Variants in CACNA1E observed in about 807,000 individuals in gnomAD.
The protein encoded by CACNA1E is calcium voltage-gated channel subunit alpha1 E.
In CACNA1E, 40 loss-of-function variants were observed where a neutral mutation model predicts 259.2. The observed-to-expected ratio is 0.15, with a 90% CI of 0.12 to 0.20. The LOEUF (loss-of-function observed/expected upper bound fraction) is 0.20, where lower values mean the gene tolerates loss of function less well. Ranked by LOEUF, CACNA1E falls within the 10% of genes least tolerant of loss-of-function variation. The pLI, the probability that CACNA1E is intolerant of heterozygous loss-of-function variation, is 1.00. For synonymous variants in CACNA1E, 1,104 were observed against 1,138.5 expected (o/e 0.97, Z 0.61); for missense variants, 1,874 against 3,040.1 (o/e 0.62, Z 9.02).
At chr1:181,765,609 C>T (rs899363965) in intron 34 of CACNA1E, among the ~76,000 whole-genome samples, 1 of 152,200 alleles carries the variant, frequency 6.6e-6, no homozygotes, top group Admixed American at 6.5e-5. Context: ...CTGCCCTGCT[C>T]ATGCAGTCTG....
chr1:181,508,995 G>C (rs969536624), intron 1 of CACNA1E, among the ~76,000 whole-genome samples: 24 of 152,144 alleles, frequency 1.6e-4, no homozygotes, highest in African/African-American at 5.6e-4. Context: ...TCTGTGTGCT[G>C]TGTGAGTGCT....
At chr1:181,775,400 C>T (rs1391683076) in intron 37 of CACNA1E, among the ~76,000 whole-genome samples, 2 of 152,206 alleles carry the variant, frequency 1.3e-5, no homozygotes, top group Non-Finnish European at 2.9e-5. Context: ...TCTGTGCTGT[C>T]GTCCTGCCCC....
chr1:181,368,091 T>G (rs1050853468), intron 1 of CACNA1E, among the ~76,000 whole-genome samples: 2 of 151,932 alleles, frequency 1.3e-5, no homozygotes, highest in Admixed American at 1.3e-4. Context: ...ATAAGCTGGG[T>G]GTGGTGGTGC....
intron 1 of CACNA1E, among the ~76,000 whole-genome samples, chr1:181,333,583 C>T (rs1193494473): frequency 6.6e-6 from 1 of 152,206 alleles, no homozygotes; most frequent in Non-Finnish European, 1.5e-5. Flanking sequence ...CTAGCTCCTG[C>T]TGAGATCATT....
chr1:181,696,354 A>G (rs1651704529), intron 7 of CACNA1E, among the ~76,000 whole-genome samples: 1 of 152,176 alleles, frequency 6.6e-6, no homozygotes, highest in Admixed American at 6.5e-5. Flanking sequence ...TTATTCTGCC[A>G]GAGTAGAAGT....
intron 11 of CACNA1E, among the ~76,000 whole-genome samples, chr1:181,717,554 A>G (rs1654020077): frequency 1.3e-5 from 2 of 152,162 alleles, no homozygotes; most frequent in South Asian, 4.1e-4. Flanking sequence ...GGTACCATAA[A>G]GCCTTCACTT....
At chr1:181,370,237 T>C (rs1015398188) in intron 1 of CACNA1E, among the ~76,000 whole-genome samples, 7 of 152,070 alleles carry the variant, frequency 4.6e-5, no homozygotes, top group Non-Finnish European at 8.8e-5. Flanking sequence ...TGTTCCAGGA[T>C]ACTCTAACTA....
intron 34 of CACNA1E, among the ~76,000 whole-genome samples, chr1:181,764,915 G>A (rs1289824367): frequency 6.6e-6 from 1 of 152,076 alleles, no homozygotes; most frequent in Non-Finnish European, 1.5e-5. Flanking sequence ...AGAAAATATT[G>A]TCAAAAATTG....
At position 181,483,906 on chromosome 1, in the gene CACNA1E, C is replaced by T. The variant is rs367575707; in HGVS notation, c.162C>T (p.Asn54=). 1 of 1,613,692 alleles carries T rather than the reference C, an allele frequency of 6.2e-7. No individual in the cohort carries two copies. Among genetic ancestry groups the T allele is most frequent in the Admixed American group, 1.7e-5 (1 of 60,012 alleles). ...AQRARTMALY[N]PIPVRQNCFT... is the part of the protein sequence containing the mutation. ...GGGCGCGGACTATGGCTTTGTACAA[C>T]CCCATTCCCGTCCGGCAGAACTGTT... The change falls in exon 1 of 48, where the codon AAC becomes AAT. Residue 54 remains asparagine, a synonymous_variant. Coordinates refer to ENST00000367573, the MANE Select transcript of CACNA1E (RefSeq NM_001205293.3).
intron 43 of CACNA1E, among the ~76,000 whole-genome samples, chr1:181,786,581 T>G (rs1225403990): frequency 1.3e-5 from 2 of 152,198 alleles, no homozygotes; most frequent in Admixed American, 6.5e-5. Flanking sequence ...TCCTTCTGAG[T>G]GATAAGCCTT....
At chr1:181,793,334 C>T (rs1378230020) in intron 44 of CACNA1E, among the ~76,000 whole-genome samples, 1 of 152,168 alleles carries the variant, frequency 6.6e-6, no homozygotes, top group Non-Finnish European at 1.5e-5. Context: ...TCTTAGAAAG[C>T]GAACTTCACA....
At chr1:181,474,038 C>CCT (rs1429133123) in intron 2 of CACNA1E, among the ~76,000 whole-genome samples, 3 of 152,162 alleles carry the variant, frequency 2.0e-5, no homozygotes, top group Non-Finnish European at 4.4e-5. Flanking sequence ...AACAGCATCA[C>CCT]CTATACTTTT....
intron 1 of CACNA1E, among the ~76,000 whole-genome samples, chr1:181,487,719 G>A (rs1162802374): frequency 2.6e-5 from 4 of 152,122 alleles, no homozygotes; most frequent in East Asian, 1.9e-4. Flanking sequence ...CATGCCCAGG[G>A]CCAGTTACCC....
intron 25 of CACNA1E, among the ~76,000 whole-genome samples, chr1:181,748,281 A>G (rs2102643710): frequency 6.6e-6 from 1 of 152,336 alleles, no homozygotes; most frequent in East Asian, 1.9e-4. Flanking sequence ...CCTGTTTTCC[A>G]AAACAAGAGA....
At chr1:181,572,283 A>G (rs1459498022) in intron 3 of CACNA1E, among the ~76,000 whole-genome samples, 1 of 152,350 alleles carries the variant, frequency 6.6e-6, no homozygotes, top group East Asian at 1.9e-4. Flanking sequence ...CATTGCCCAG[A>G]GCATTGCCTC....
At chr1:181,720,900 T>C (rs1287392019) in intron 15 of CACNA1E, 45 bp downstream of exon 15, 1 of 1,188,330 alleles carries the variant, frequency 8.4e-7, no homozygotes, top group African/African-American at 1.5e-5. Flanking sequence ...TGGGGTCCCT[T>C]GGACTGCACA....
intron 1 of CACNA1E, among the ~76,000 whole-genome samples, chr1:181,331,341 G>A (rs1189795657): frequency 6.6e-6 from 1 of 152,144 alleles, no homozygotes; most frequent in Admixed American, 6.5e-5. Context: ...TTGTAAGCTG[G>A]GAACCCTGAG....
At chr1:181,741,930 G>A (rs1238262183) in intron 25 of CACNA1E, among the ~76,000 whole-genome samples, 1 of 152,158 alleles carries the variant, frequency 6.6e-6, no homozygotes, top group African/African-American at 2.4e-5. Context: ...CTTGCTTTTA[G>A]TCATGTTACT....
intron 44 of CACNA1E, among the ~76,000 whole-genome samples, chr1:181,792,477 G>T (rs1449680866): frequency 6.6e-6 from 1 of 152,228 alleles, no homozygotes; most frequent in Non-Finnish European, 1.5e-5. Context: ...GTAGACTGCA[G>T]TGTTGTTACC....
Sources: allele counts gnomAD v4.1 joint callset (sites outside exome capture counted in the v4.1 genomes callset), GRCh38; gene constraint gnomAD v4.1.1; transcripts MANE v1.5; gene names NCBI Gene and HGNC (gene_info 2026-07-23, HGNC 2026-07-21).